The following HOXA3 variants were observed in gnomAD, a reference collection of about 807,000 sequenced individuals.
HOXA3 encodes the protein homeobox A3.
Under a neutral mutation model 30.3 loss-of-function variants are expected in HOXA3, and 8 were observed. That is an observed-to-expected ratio of 0.26 (90% CI 0.15 to 0.48). The LOEUF (loss-of-function observed/expected upper bound fraction) is 0.48. Ranked by LOEUF, HOXA3 falls within the 20% of genes least tolerant of loss-of-function variation. The probability of loss-of-function intolerance (pLI) is 0.99; values close to 1 mark genes in which losing one functional copy is unlikely to be tolerated. For missense variants in HOXA3, 653 were observed against 614.4 expected (o/e 1.06, Z -0.66); for synonymous variants, 323 against 273.1 (o/e 1.18, Z -1.80).
intron 2 of HOXA3, chr7:27,129,947 G>C: frequency 1.4e-6 from 1 of 713,150 alleles, no homozygotes; most frequent in Non-Finnish European, 2.3e-6. Context: ...CTCATGTTGG[G>C]ATCAGGCGGC....
intron 1 of HOXA3, chr7:27,147,278 C>G (rs1462307245): frequency 6.3e-7 from 1 of 1,578,416 alleles, no homozygotes; most frequent in Non-Finnish European, 8.7e-7. Context: ...CCTTTCCCCT[C>G]TCCCTCCACT....
chr7:27,129,331 G>A (rs1405961370), intron 2 of HOXA3: 2 of 1,614,192 alleles, frequency 1.2e-6, no homozygotes, highest in African/African-American at 1.3e-5. Flanking sequence ...GGCCGAGGCC[G>A]AATTGGAGGA....
intron 2 of HOXA3, chr7:27,129,609 G>C: frequency 6.2e-7 from 1 of 1,604,764 alleles, no homozygotes; most frequent in Non-Finnish European, 8.5e-7. Context: ...GGCCAAGGAG[G>C]AGGGAGCGGA....
rs368203221 is a variant in HOXA3, at chr7:27,108,470, C to A, written c.777G>T (p.Ser259=). Residue 259 remains serine (S), a synonymous_variant, in exon 6 of 6, where the codon TCG becomes TCT. Coordinates refer to ENST00000612286, the MANE Select transcript of HOXA3 (RefSeq NM_153631.3). This position sits in a 1 kb window ranked among gnomAD's most constrained non-coding sequence, Gnocchi z 5.0. ...GGCTGCGACTTGGAGACTGGCCCCC[C>A]GATGACGTTAGCATGCCCTTGCCCT... is the stretch of plus-strand genomic sequence containing the variant. ...DQKGKGMLTS[S]GGQSPSRSPV... is the part of the protein sequence containing the mutation. The A allele has an allele frequency of 5.0e-6, 8 of 1,613,940 alleles. No homozygotes were observed. Among genetic ancestry groups the A allele is most frequent in the Non-Finnish European group, 6.8e-6 (8 of 1,179,990 alleles).
At chr7:27,147,699 GC>G (rs890054197) in intron 1 of HOXA3, 26 of 1,613,140 alleles carry the variant, frequency 1.6e-5, no homozygotes, top group Non-Finnish European at 2.2e-5. Flanking sequence ...AGGAGTCCTG[GC>G]CGCTGGGAAG....
At chr7:27,151,576 A>G (rs943984177) in intron 1 of HOXA3, 1 of 456,636 alleles carries the variant, frequency 2.2e-6, no homozygotes, top group Non-Finnish European at 4.4e-6. Context: ...CCAACACAGA[A>G]TTCCACCCAC....
In HOXA3 at chr7:27,147,738, A is replaced by G. The variant is rs754442674; in HGVS notation, c.-494+4550T>C. 8 of 1,606,998 alleles carry G rather than the reference A, an allele frequency of 5.0e-6. No individual in the cohort carries two copies. The Middle Eastern group carries it at 8.3e-4, about 166-fold the overall frequency. Reference sequence around the variant, plus strand: ...TCCCGGGGAAAGTGGGATTCACAAAATAGGAACTCATTTGCGCGCCCCTCT... The same window carrying G: ...TCCCGGGGAAAGTGGGATTCACAAAGTAGGAACTCATTTGCGCGCCCCTCT... On this transcript the variant is annotated intron_variant, in intron 1 of 5. Coordinates refer to ENST00000612286, the MANE Select transcript of HOXA3 (RefSeq NM_153631.3).
chr7:27,142,959 A>AGACT (rs1236419196), intron 1 of HOXA3: 3 of 1,232,322 alleles, frequency 2.4e-6, no homozygotes, highest in Non-Finnish European at 3.4e-6. Flanking sequence ...AGACCAAGAG[A>AGACT]GACTGGGAGA....
chr7:27,125,869 G>A (rs1263034134), intron 3 of HOXA3, among the ~76,000 whole-genome samples: 1 of 152,212 alleles, frequency 6.6e-6, no homozygotes, highest in African/African-American at 2.4e-5. Context: ...GAGTTTGGAA[G>A]CTTAGGGGAA....
intron 1 of HOXA3, chr7:27,145,438 G>A: frequency 1.5e-6 from 1 of 657,012 alleles, no homozygotes. Context: ...GGTATTGGCT[G>A]TGTGTGAGGT....
intron 2 of HOXA3, among the ~76,000 whole-genome samples, chr7:27,138,290 A>C (rs923341303): frequency 6.6e-6 from 1 of 152,172 alleles, no homozygotes; most frequent in Non-Finnish European, 1.5e-5. Context: ...TTGATTTTTC[A>C]AAAAAACTTT....
At position 27,108,405 on chromosome 7, in the gene HOXA3, T is replaced by G. The variant is rs1435463651; in HGVS notation, c.842A>C (p.His281Pro). The G allele has an allele frequency of 6.2e-7, 1 of 1,609,408 alleles. No homozygotes were observed. The change falls in exon 6 of 6, where the codon CAT (histidine) becomes CCT (proline). Residue 281 changes from histidine to proline, a missense_variant. Physicochemically the swap from His to Pro is moderately conservative, Grantham distance 77 (BLOSUM62 -2). Transcript: ENST00000612286. The surrounding 1 kb of genome is among the most constrained non-coding windows in gnomAD (Gnocchi z 5.0). ...PGAGGYLNSM[H>P]SLVNSVPYEP... ...ATACGGGACGCTGTTGACCAGCGAA[T>G]GCATAGAGTTCAGATAGCCACCGGC...
intron 4 of HOXA3, chr7:27,116,424 G>A (rs1784725226): frequency 6.6e-6 from 1 of 152,650 alleles, no homozygotes; most frequent in Admixed American, 6.5e-5. Flanking sequence ...ACTTGCCTGT[G>A]AGGGTGAAGC....
Position 27,113,465 on chromosome 7 carries a change from G to A in HOXA3, c.-120-2705C>T, listed in dbSNP as rs1251010211. Among the ~76,000 whole-genome samples the A allele has an allele frequency of 1.3e-5, 2 of 152,204 alleles. No individual in the cohort carries two copies. The highest frequency in any genetic ancestry group is 2.9e-5 in the Non-Finnish European group (2 of 68,046). Reference sequence around the variant, plus strand: ...AAGAGGTGGGGGCGGGGATGGGAAAGCGGCCTGAACTCGAAGTGTAAGGGT... The same window carrying A: ...AAGAGGTGGGGGCGGGGATGGGAAAACGGCCTGAACTCGAAGTGTAAGGGT... On this transcript the variant is annotated intron_variant, in intron 4 of 5. Transcript: ENST00000612286. The surrounding 1 kb of genome is among the most constrained non-coding windows in gnomAD (Gnocchi z 4.8).
At chr7:27,130,902 A>T in intron 2 of HOXA3, 1 of 626,922 alleles carries the variant, frequency 1.6e-6, no homozygotes, top group South Asian at 1.7e-5. Context: ...CGCCGCCACC[A>T]AAGTTCGAGC....
Position 27,107,834 on chromosome 7 carries a change from A to T in HOXA3, c.*81T>A, listed in dbSNP as rs1410900248. ...GGAAGGAAAGGGCAGGAAGAACCTA[A>T]AAAAAAAAAAAAAAAAAAGCAACCA... On this transcript the variant is annotated 3_prime_UTR_variant, in exon 6 of 6. Coordinates refer to ENST00000612286, the MANE Select transcript of HOXA3 (RefSeq NM_153631.3). The T allele has an allele frequency of 3.2e-4, 13 of 41,120 alleles. No individual in the cohort carries two copies. Among genetic ancestry groups the T allele is most frequent in the African/African-American group, 1.6e-3 (10 of 6,324 alleles). The allele number at this position is 41,120 out of a possible 1,614,324, so 2.5% of individuals were successfully genotyped here. A position where few individuals can be genotyped will look rare whatever the true frequency, so the allele number is the denominator to read the frequency against.
At chr7:27,138,711 C>T (rs1451163332) in intron 2 of HOXA3, among the ~76,000 whole-genome samples, 1 of 152,068 alleles carries the variant, frequency 6.6e-6, no homozygotes, top group Non-Finnish European at 1.5e-5. Context: ...GGAATTGTGC[C>T]CAGGATAAAC....
At chr7:27,141,567 G>A in intron 1 of HOXA3, 1 of 313,496 alleles carries the variant, frequency 3.2e-6, no homozygotes, top group Non-Finnish European at 5.9e-6. Context: ...GTTACTTCAA[G>A]TAACACAGCT....
rs1044367935 is a variant in HOXA3, at chr7:27,140,118, G to T, written c.-425C>A. On this transcript the variant is annotated 5_prime_UTR_variant, in exon 2 of 6. Transcript: ENST00000612286. ...AGGGAGCCATTTTTCAGAGAGTTTT[G>T]AGAACTTGTGGTTTGGACACTTCTG... 1.3e-5 allele frequency: 2 copies of T among 152,144 alleles called. No homozygotes were observed. The highest frequency in any genetic ancestry group is 3.9e-4 in the East Asian group (2 of 5,188). 9.4% of individuals were successfully genotyped at this position (152,144 alleles called of 1,614,324 possible). A position where few individuals can be genotyped will look rare whatever the true frequency, so the allele number is the denominator to read the frequency against.
Sources: gnomAD v4.1 joint callset for allele counts (sites outside exome capture counted in the v4.1 genomes callset) on GRCh38, gnomAD v4.1.1 for gene constraint, Gnocchi (gnomAD v3.1) non-coding constraint, MANE v1.5 for transcripts, NCBI Gene and HGNC (gene_info 2026-07-23, HGNC 2026-07-21) for gene names.